The following PRLR variants were observed in gnomAD, a reference collection of about 807,000 sequenced individuals.
PRLR encodes the protein hPRL receptor.
In PRLR, 13 loss-of-function variants were observed where a neutral mutation model predicts 40.2. The observed-to-expected ratio is 0.32, with a 90% CI of 0.21 to 0.51. The LOEUF is 0.51. Among genes scored for constraint, PRLR ranks in the 20% least tolerant of loss-of-function variants. PRLR has a pLI of 0.97. For synonymous variants in PRLR, 269 were observed against 278.7 expected, an observed-to-expected ratio of 0.97 and a Z score of 0.35; for missense variants, 656 against 747.3, an observed-to-expected ratio of 0.88 and a Z score of 1.42.
chr5:35,151,229 G>A (rs1017220009), intron 1 of PRLR, among the ~76,000 whole-genome samples: 1 of 152,172 alleles, frequency 6.6e-6, no homozygotes, highest in African/African-American at 2.4e-5. Flanking sequence ...TCTAAGAGTA[G>A]TGTGTGATCC....
chr5:35,083,950 T>C (rs1770688346), intron 5 of PRLR, among the ~76,000 whole-genome samples: 2 of 152,122 alleles, frequency 1.3e-5, no homozygotes, highest in Admixed American at 1.3e-4. Context: ...GATGTATATA[T>C]ATATATACAC....
chr5:35,116,016 C>T (rs559081152), intron 2 of PRLR, among the ~76,000 whole-genome samples: 2 of 152,186 alleles, frequency 1.3e-5, no homozygotes, highest in African/African-American at 2.4e-5. Flanking sequence ...CTTGGATGAC[C>T]ATGCAACTGC....
intron 2 of PRLR, among the ~76,000 whole-genome samples, chr5:35,117,795 T>C (rs757442962): frequency 6.6e-6 from 1 of 152,244 alleles, no homozygotes; most frequent in Non-Finnish European, 1.5e-5. Context: ...TCTCTCATGA[T>C]TGCACCACTA....
intron 1 of PRLR, among the ~76,000 whole-genome samples, chr5:35,215,695 G>T (rs183620059): frequency 2.9e-4 from 44 of 152,020 alleles, no homozygotes; most frequent in Admixed American, 2.4e-3. Context: ...CTCACCCCTA[G>T]GGCAAGTTCT....
At chr5:35,112,650 T>C (rs1021902740) in intron 2 of PRLR, among the ~76,000 whole-genome samples, 1 of 152,108 alleles carries the variant, frequency 6.6e-6, no homozygotes, top group African/African-American at 2.4e-5. Flanking sequence ...TTACTACCAG[T>C]CCCAAAGTCC....
Position 35,057,571 on chromosome 5 carries a change from T to TTAGTG in PRLR, c.*7513_*7517dup, listed in dbSNP as rs2112337487. The TTAGTG allele has an allele frequency of 6.6e-6, 1 of 152,242 alleles. No homozygotes were observed. Among genetic ancestry groups the TTAGTG allele is most frequent in the East Asian group, 1.9e-4 (1 of 5,190 alleles). The allele number at this position is 152,242 out of a possible 1,614,324, so 9.4% of individuals were successfully genotyped here. On this transcript the variant is annotated 3_prime_UTR_variant, in exon 10 of 10. Transcript: ENST00000618457. ...AATGAAGATGTTATGATAATAGCAGTTAGTGTTATCTCCAATACTATTGAC... is the reference window on the plus strand; with the variant it reads ...AATGAAGATGTTATGATAATAGCAGTTAGTGTAGTGTTATCTCCAATACTATTGAC...
chr5:35,203,249 T>C (rs1775926601), intron 1 of PRLR, among the ~76,000 whole-genome samples: 1 of 152,312 alleles, frequency 6.6e-6, no homozygotes, highest in East Asian at 1.9e-4. Flanking sequence ...GAGAAGTGGA[T>C]GGATTCTTAT....
chr5:35,108,788 G>T (rs138618414), intron 2 of PRLR, among the ~76,000 whole-genome samples: 2 of 152,206 alleles, frequency 1.3e-5, no homozygotes, highest in African/African-American at 4.8e-5. Context: ...TGGCCATACT[G>T]CCCAAAGTAA....
intron 1 of PRLR, among the ~76,000 whole-genome samples, chr5:35,222,712 C>G (rs1776454604): frequency 6.6e-6 from 1 of 152,156 alleles, no homozygotes; most frequent in African/African-American, 2.4e-5. Context: ...AGTGGGTAGA[C>G]TCACTTTGGG....
chr5:35,125,919 T>C (rs1281161885), intron 1 of PRLR, among the ~76,000 whole-genome samples: 1 of 152,210 alleles, frequency 6.6e-6, no homozygotes, highest in African/African-American at 2.4e-5. Context: ...ACCTTTGAAC[T>C]GTTTTCTCCC....
intron 1 of PRLR, among the ~76,000 whole-genome samples, chr5:35,171,651 C>T (rs1775000314): frequency 6.6e-6 from 1 of 152,040 alleles, no homozygotes; most frequent in Non-Finnish European, 1.5e-5. Context: ...CAGTGGAAGA[C>T]ATTTGGAAGC....
At chr5:35,121,792 C>A (rs528008822) in intron 1 of PRLR, among the ~76,000 whole-genome samples, 2 of 152,142 alleles carry the variant, frequency 1.3e-5, no homozygotes, top group Non-Finnish European at 2.9e-5. Flanking sequence ...AAACTTGAAC[C>A]GAGATCTCTT....
intron 1 of PRLR, among the ~76,000 whole-genome samples, chr5:35,184,427 T>C (rs1239722109): frequency 3.3e-5 from 5 of 152,060 alleles, no homozygotes; most frequent in African/African-American, 4.8e-5. Context: ...GGCAGGAGAA[T>C]TGCTTGATCC....
At chr5:35,148,223 C>T (rs1774241724) in intron 1 of PRLR, among the ~76,000 whole-genome samples, 1 of 152,144 alleles carries the variant, frequency 6.6e-6, no homozygotes, top group East Asian at 1.9e-4. Flanking sequence ...ATCTCCACTT[C>T]ACTTTGTATA....
intron 1 of PRLR, among the ~76,000 whole-genome samples, chr5:35,163,897 T>C (rs901369418): frequency 1.3e-5 from 2 of 152,224 alleles, no homozygotes; most frequent in South Asian, 2.1e-4. Context: ...CTGTGACAAA[T>C]AGATGGACTT....
intron 2 of PRLR, among the ~76,000 whole-genome samples, chr5:35,115,391 T>C (rs1772950261): frequency 6.6e-6 from 1 of 152,232 alleles, no homozygotes; most frequent in South Asian, 2.1e-4. Context: ...TGTGTAGGTT[T>C]TGAGTAATGC....
At chr5:35,217,551 C>G (rs1776314423) in intron 1 of PRLR, among the ~76,000 whole-genome samples, 2 of 152,172 alleles carry the variant, frequency 1.3e-5, no homozygotes, top group Admixed American at 1.3e-4. Context: ...GCTCCGGCTT[C>G]ACACAGTCAT....
intron 1 of PRLR, among the ~76,000 whole-genome samples, chr5:35,158,863 AAG>A (rs1774589396): frequency 6.6e-6 from 1 of 152,204 alleles, no homozygotes; most frequent in Non-Finnish European, 1.5e-5. Flanking sequence ...AAGCAGAGAT[AAG>A]AGAGAGGAAG....
chr5:35,145,919 G>A (rs1419398766), intron 1 of PRLR, among the ~76,000 whole-genome samples: 1 of 152,242 alleles, frequency 6.6e-6, no homozygotes, highest in African/African-American at 2.4e-5. Context: ...ATGCTGTTGA[G>A]TGGAGAGAGA....
Sources: gnomAD v4.1 joint callset for allele counts (sites outside exome capture counted in the v4.1 genomes callset) on GRCh38, gnomAD v4.1.1 for gene constraint, MANE v1.5 for transcripts, NCBI Gene and HGNC (gene_info 2026-07-23, HGNC 2026-07-21) for gene names.